RBFOX1: variants seen among roughly 807,000 people sequenced by gnomAD.
RBFOX1 encodes RNA binding fox-1 homolog 1.
Under a neutral mutation model 57.7 loss-of-function variants are expected in RBFOX1, and 8 were observed. The observed-to-expected ratio is 0.14, with a 90% CI of 0.08 to 0.25. The LOEUF (loss-of-function observed/expected upper bound fraction) is 0.25. RBFOX1 is among the 10% of genes least tolerant of loss of function. RBFOX1 has a pLI of 1.00. For synonymous variants in RBFOX1, 326 were observed against 222.4 expected, an observed-to-expected ratio of 1.47 and a Z score of -4.15; for missense variants, 611 against 548.5, an observed-to-expected ratio of 1.11 and a Z score of -1.14.
chr16:6,275,842 T>G (rs2075746832), intron 1 of RBFOX1, among the ~76,000 whole-genome samples: 1 of 152,214 alleles, frequency 6.6e-6, no homozygotes, highest in Admixed American at 6.5e-5. Context: ...AGGAACAATA[T>G]AATAATATTT....
chr16:7,522,733 A>C (rs2077781438), intron 5 of RBFOX1, among the ~76,000 whole-genome samples: 1 of 152,184 alleles, frequency 6.6e-6, no homozygotes, highest in African/African-American at 2.4e-5. Flanking sequence ...ATAATGGTGC[A>C]GGAAAGAAAG....
chr16:7,137,113 C>A (rs2072243201), intron 4 of RBFOX1, among the ~76,000 whole-genome samples: 1 of 152,188 alleles, frequency 6.6e-6, no homozygotes, highest in South Asian at 2.1e-4. Flanking sequence ...GTTAGATAGT[C>A]TAAAATAAAT....
intron 3 of RBFOX1, among the ~76,000 whole-genome samples, chr16:6,967,880 A>G (rs2084629640): frequency 1.3e-5 from 2 of 152,172 alleles, no homozygotes; most frequent in South Asian, 4.2e-4. Flanking sequence ...GTCAGTCTGA[A>G]AAAAGATGCC....
chr16:7,279,483 C>A (rs951971671), intron 4 of RBFOX1, among the ~76,000 whole-genome samples: 1 of 152,190 alleles, frequency 6.6e-6, no homozygotes, highest in East Asian at 1.9e-4. Flanking sequence ...CTGAGCGCAG[C>A]GTCCAGGTTG....
chr16:6,956,180 A>G (rs1378043028), intron 3 of RBFOX1, among the ~76,000 whole-genome samples: 2 of 152,146 alleles, frequency 1.3e-5, no homozygotes, highest in Admixed American at 6.6e-5. Context: ...ATGAGGAAGG[A>G]TGAGAATGGA....
At chr16:5,623,709 G>A (rs2048266026) in intron 3 of RBFOX1, among the ~76,000 whole-genome samples, 1 of 151,712 alleles carries the variant, frequency 6.6e-6, no homozygotes, top group Admixed American at 6.6e-5. Context: ...TCTCTCATTT[G>A]TTTTCTTTGT....
intron 1 of RBFOX1, among the ~76,000 whole-genome samples, chr16:6,306,283 G>A (rs1184362268): frequency 6.6e-6 from 1 of 152,138 alleles, no homozygotes; most frequent in Non-Finnish European, 1.5e-5. Flanking sequence ...GGCAGTATTT[G>A]AGCTGAGAGT....
chr16:6,897,473 C>T (rs979829015), intron 3 of RBFOX1, among the ~76,000 whole-genome samples: 1 of 152,134 alleles, frequency 6.6e-6, no homozygotes, highest in South Asian at 2.1e-4. Context: ...GATGTGGCTT[C>T]CCACTGTATT....
At chr16:6,650,508 C>G (rs371604341) in intron 2 of RBFOX1, among the ~76,000 whole-genome samples, 2 of 152,104 alleles carry the variant, frequency 1.3e-5, no homozygotes, top group Admixed American at 1.3e-4. Flanking sequence ...AATTATCATG[C>G]CACAGAGTAA....
chr16:6,930,051 C>T (rs148535177), intron 3 of RBFOX1, among the ~76,000 whole-genome samples: 3 of 152,274 alleles, frequency 2.0e-5, no homozygotes, highest in Non-Finnish European at 2.9e-5. Flanking sequence ...TCCCCTCTCT[C>T]CCATAGCAAA....
At chr16:5,586,975 T>G (rs942965427) in intron 2 of RBFOX1, among the ~76,000 whole-genome samples, 17 of 152,190 alleles carry the variant, frequency 1.1e-4, no homozygotes, top group Non-Finnish European at 2.2e-4. Context: ...AACCTTCCTG[T>G]GCTGCCCAGA....
chr16:7,668,081 C>A (rs2070007607), intron 13 of RBFOX1, among the ~76,000 whole-genome samples: 1 of 152,186 alleles, frequency 6.6e-6, no homozygotes, highest in South Asian at 2.1e-4. Flanking sequence ...AAAATGTTCT[C>A]CATCCTGGCA....
intron 4 of RBFOX1, among the ~76,000 whole-genome samples, chr16:7,509,360 G>A (rs1001112760): frequency 2.0e-5 from 3 of 151,414 alleles, no homozygotes; most frequent in Non-Finnish European, 4.4e-5. Flanking sequence ...GAATGAATTC[G>A]TTTACATAAT....
At chr16:6,081,385 C>G (rs1289487894) in intron 1 of RBFOX1, among the ~76,000 whole-genome samples, 1 of 152,170 alleles carries the variant, frequency 6.6e-6, no homozygotes, top group Non-Finnish European at 1.5e-5. Flanking sequence ...TCTTGTTTCT[C>G]TGTCGGATGC....
intron 4 of RBFOX1, among the ~76,000 whole-genome samples, chr16:7,114,285 T>A: frequency 6.6e-6 from 1 of 152,182 alleles, no homozygotes; most frequent in Non-Finnish European, 1.5e-5. Context: ...TTGGAGATTT[T>A]ATATTCAAAC....
At chr16:6,877,653 C>T (rs142201064) in intron 3 of RBFOX1, among the ~76,000 whole-genome samples, 47 of 152,202 alleles carry the variant, frequency 3.1e-4, no homozygotes, top group African/African-American at 1.1e-3. Flanking sequence ...TACGGACAAG[C>T]CCATACTGAG....
intron 4 of RBFOX1, among the ~76,000 whole-genome samples, chr16:7,134,229 G>T (rs1476154899): frequency 4.6e-5 from 7 of 152,148 alleles, no homozygotes; most frequent in Non-Finnish European, 1.0e-4. Context: ...CATTTGGATG[G>T]TGATCAATAG....
At chr16:6,570,607 A>G (rs1282975853) in intron 2 of RBFOX1, among the ~76,000 whole-genome samples, 1 of 152,186 alleles carries the variant, frequency 6.6e-6, no homozygotes, top group Non-Finnish European at 1.5e-5. Flanking sequence ...CTGTATCTCT[A>G]GCTTTTTTTA....
intron 1 of RBFOX1, among the ~76,000 whole-genome samples, chr16:5,440,836 C>G (rs1431454242): frequency 2.0e-5 from 3 of 152,154 alleles, no homozygotes; most frequent in Non-Finnish European, 2.9e-5. Context: ...ATGAGTTGGT[C>G]TTCTAGATCA....
Sources: gnomAD v4.1 joint callset for allele counts (sites outside exome capture counted in the v4.1 genomes callset) on GRCh38, gnomAD v4.1.1 for gene constraint, MANE v1.5 for transcripts, NCBI Gene and HGNC (gene_info 2026-07-23, HGNC 2026-07-21) for gene names.